Variants in PARD3 observed in about 807,000 individuals in gnomAD.
PARD3 encodes partitioning defective 3 homolog.
Under a neutral mutation model 155.4 loss-of-function variants are expected in PARD3, and 75 were observed. That is an observed-to-expected ratio of 0.48 (90% CI 0.40 to 0.58). The LOEUF (loss-of-function observed/expected upper bound fraction) is 0.58. Ranked by LOEUF, PARD3 falls within the 20% of genes least tolerant of loss-of-function variation. PARD3 has a pLI of 0.00. For synonymous variants in PARD3, 576 were observed against 610.5 expected (o/e 0.94, Z 0.83); for missense variants, 1,642 against 1,721.7 (o/e 0.95, Z 0.82).
rs60469043 is a variant in PARD3, at chr10:34,495,172, C to CAA, written c.403+21805_403+21806dup. ...TATCTGTACCCATAAACAAAAAAAG[C>CAA]AAAAAAAAAACAAACAAAAACCCAC... On this transcript the variant is annotated intron_variant, in intron 3 of 24. Transcript: ENST00000374788. 6.2e-3 allele frequency among the ~76,000 whole-genome samples: 877 copies of CAA among 142,228 alleles called. 7 individuals carry two copies. The highest frequency in any genetic ancestry group is 0.019 in the African/African-American group (735 of 39,242). The allele number at this position is 142,228 out of a possible 152,430, so 93.3% of individuals were successfully genotyped here.
intron 5 of PARD3, among the ~76,000 whole-genome samples, chr10:34,449,137 T>G (rs986459110): frequency 1.3e-5 from 2 of 151,884 alleles, no homozygotes; most frequent in Non-Finnish European, 2.9e-5. Context: ...CAGGATGGTC[T>G]CGATCTCCTG....
At chr10:34,782,776 G>A (rs1294446055) in intron 1 of PARD3, among the ~76,000 whole-genome samples, 1 of 150,520 alleles carries the variant, frequency 6.6e-6, no homozygotes. Context: ...ACCCAGGCTA[G>A]AGTGTAGTGG....
intron 20 of PARD3, among the ~76,000 whole-genome samples, chr10:34,306,659 A>G (rs1320134255): frequency 6.6e-6 from 1 of 152,166 alleles, no homozygotes; most frequent in Non-Finnish European, 1.5e-5. Context: ...CAAAATAATA[A>G]TAACAATAAT....
At chr10:34,662,722 A>G (rs1014778105) in intron 2 of PARD3, among the ~76,000 whole-genome samples, 12 of 152,100 alleles carry the variant, frequency 7.9e-5, no homozygotes, top group Non-Finnish European at 1.5e-5. Context: ...AAATACAAAA[A>G]TTAGCCCAGC....
intron 2 of PARD3, among the ~76,000 whole-genome samples, chr10:34,616,950 T>A (rs969665875): frequency 5.3e-4 from 65 of 122,102 alleles, no homozygotes; most frequent in East Asian, 3.0e-3. Flanking sequence ...AAAAAAAAAA[T>A]AACTAAATTA....
chr10:34,136,399 C>T (rs1947898954), intron 22 of PARD3, among the ~76,000 whole-genome samples: 1 of 152,134 alleles, frequency 6.6e-6, no homozygotes, highest in Admixed American at 6.5e-5. Context: ...ATTAAAAATG[C>T]TTTAACATTT....
intron 5 of PARD3, among the ~76,000 whole-genome samples, chr10:34,440,385 T>C (rs2076402627): frequency 6.6e-6 from 1 of 152,194 alleles, no homozygotes; most frequent in Non-Finnish European, 1.5e-5. Context: ...AGTTATAGTA[T>C]AAAGCATGTA....
chr10:34,327,634 C>A (rs1051262157), intron 19 of PARD3, among the ~76,000 whole-genome samples: 4 of 152,158 alleles, frequency 2.6e-5, no homozygotes, highest in Admixed American at 6.5e-5. Context: ...GCTCTCTGTT[C>A]CTGCTGACCT....
chr10:34,413,535 A>G (rs1471105014), intron 5 of PARD3, among the ~76,000 whole-genome samples: 1 of 151,476 alleles, frequency 6.6e-6, no homozygotes, highest in African/African-American at 2.4e-5. Context: ...TCATTAGGCA[A>G]TTTCTAAAAT....
chr10:34,564,212 A>T (rs1018312984), intron 2 of PARD3, among the ~76,000 whole-genome samples: 1 of 152,252 alleles, frequency 6.6e-6, no homozygotes, highest in South Asian at 2.1e-4. Context: ...GTCTCATAAA[A>T]TATCAATTAA....
At chr10:34,145,189 GTATATATATATATATA>G (rs575139416) in intron 22 of PARD3, among the ~76,000 whole-genome samples, 12 of 49,610 alleles carry the variant, frequency 2.4e-4, no homozygotes, top group African/African-American at 1.2e-3. Flanking sequence ...GTGTGTGTGT[GTATATATATATATATA>G]TATATATATA....
Position 34,399,315 on chromosome 10 carries a change from T to C in PARD3, c.890+15A>G. 1 of 1,527,360 alleles carries C rather than the reference T, an allele frequency of 6.5e-7. No individual in the cohort carries two copies. Among genetic ancestry groups the C allele is most frequent in the African/African-American group, 1.4e-5 (1 of 73,262 alleles). The allele number at this position is 1,527,360 out of a possible 1,614,324, so 94.6% of individuals were successfully genotyped here. On this transcript the variant is annotated intron_variant, in intron 7 of 24. Coordinates refer to ENST00000374788, the MANE Select transcript of PARD3 (RefSeq NM_001184785.2). ...CTACATTATGATTCAATTAAAAACCTCCAAGATACGTTACCTGCCGCCTCG... is the reference window on the plus strand; with the variant it reads ...CTACATTATGATTCAATTAAAAACCCCCAAGATACGTTACCTGCCGCCTCG...
chr10:34,656,900 G>A (rs1464095805), intron 2 of PARD3, among the ~76,000 whole-genome samples: 1 of 152,196 alleles, frequency 6.6e-6, no homozygotes, highest in Admixed American at 6.5e-5. Context: ...AAAGCATCAA[G>A]CTAAGGCATG....
At chr10:34,757,446 T>C (rs1264810783) in intron 1 of PARD3, among the ~76,000 whole-genome samples, 3 of 152,188 alleles carry the variant, frequency 2.0e-5, no homozygotes, top group Non-Finnish European at 2.9e-5. Context: ...GGCTCATGCC[T>C]GTAATCCCAA....
At chr10:34,205,981 T>A (rs913083402) in intron 22 of PARD3, among the ~76,000 whole-genome samples, 6 of 152,026 alleles carry the variant, frequency 3.9e-5, no homozygotes, top group Non-Finnish European at 8.8e-5. Context: ...CCTGTGGCTG[T>A]GTGGGGTCTT....
rs1564528300 is a variant in PARD3 at position 34,261,797 on chromosome 10, GAAAGA to G, written c.3419+7855_3419+7859del. ...GAAAGAAAGAAAAGAAAGAAAGAAA[GAAAGA>G]AAGAAAGAAAGAAAGAAAGAAAGAA... On this transcript the variant is annotated intron_variant, in intron 22 of 24. Transcript: ENST00000374788. Among the ~76,000 whole-genome samples the G allele has an allele frequency of 1.4e-4, 8 of 57,372 alleles. 1 individual carries two copies. Among genetic ancestry groups the G allele is most frequent in the African/African-American group, 3.0e-4 (8 of 26,914 alleles). 37.6% of individuals were successfully genotyped at this position (57,372 alleles called of 152,430 possible). A position where few individuals can be genotyped will look rare whatever the true frequency, so the allele number is the denominator to read the frequency against.
rs74131648 is a variant in PARD3 at position 34,219,967 on chromosome 10, C to T, written c.3419+49690G>A. On this transcript the variant is annotated intron_variant, in intron 22 of 24. Transcript: ENST00000374788. ...TTTCATGACCTTTTTGTTTTACGAA[C>T]GCATCAGTCCCTGTAAGCCTACTTA... 3.8e-3 allele frequency among the ~76,000 whole-genome samples: 576 copies of T among 152,224 alleles called. 2 individuals are homozygous for T. Among genetic ancestry groups the T allele is most frequent in the African/African-American group, 0.013 (540 of 41,536 alleles).
chr10:34,549,072 C>T (rs563553650), intron 2 of PARD3, among the ~76,000 whole-genome samples: 12 of 152,238 alleles, frequency 7.9e-5, no homozygotes, highest in Admixed American at 5.2e-4. Context: ...TGTTTGTAGC[C>T]GATATTTTCG....
chr10:34,385,234 A>G (rs1159049764), intron 7 of PARD3, among the ~76,000 whole-genome samples: 1 of 152,154 alleles, frequency 6.6e-6, no homozygotes, highest in Non-Finnish European at 1.5e-5. Context: ...CCTGGGTTCA[A>G]GCGATTCTCC....
Sources: gnomAD v4.1 joint callset for allele counts (sites outside exome capture counted in the v4.1 genomes callset) on GRCh38, gnomAD v4.1.1 for gene constraint, MANE v1.5 for transcripts, NCBI Gene and HGNC (gene_info 2026-07-23, HGNC 2026-07-21) for gene names.